GLCCI1: variants seen among roughly 807,000 people sequenced by gnomAD.
GLCCI1 encodes glucocorticoid-induced transcript 1 protein.
In GLCCI1, 24 loss-of-function variants were observed where a neutral mutation model predicts 52.2. The ratio of observed to expected loss-of-function variants is 0.46; its 90% CI spans 0.33 to 0.65. The LOEUF is 0.65. Among genes scored for constraint, GLCCI1 ranks in the 30% least tolerant of loss-of-function variants. GLCCI1 has a pLI of 0.02. For missense variants in GLCCI1, 704 were observed against 701.5 expected, an observed-to-expected ratio of 1.00 and a Z score of -0.04; for synonymous variants, 310 against 276.5, an observed-to-expected ratio of 1.12 and a Z score of -1.20.
At chr7:8,027,435 C>T (rs185872429) in intron 3 of GLCCI1, among the ~76,000 whole-genome samples, 1 of 151,992 alleles carries the variant, frequency 6.6e-6, no homozygotes, top group Admixed American at 6.6e-5. Context: ...TTGCAGTGAG[C>T]CAAGATCGCA....
intron 6 of GLCCI1, among the ~76,000 whole-genome samples, chr7:8,075,499 G>T (rs2127966450): frequency 6.6e-6 from 1 of 152,280 alleles, no homozygotes; most frequent in East Asian, 1.9e-4. Context: ...CCAAAATAAA[G>T]TTCAAGGAAC....
At chr7:8,025,294 C>A (rs181908478) in intron 3 of GLCCI1, among the ~76,000 whole-genome samples, 7 of 151,922 alleles carry the variant, frequency 4.6e-5, no homozygotes, top group Admixed American at 6.6e-5. Flanking sequence ...GAGCCAAGAT[C>A]GCGCCACTGC....
At chr7:7,992,129 C>CAT (rs199766040) in intron 1 of GLCCI1, among the ~76,000 whole-genome samples, 54 of 124,504 alleles carry the variant, frequency 4.3e-4, no homozygotes, top group African/African-American at 1.2e-3. Context: ...CTCTCTCTCT[C>CAT]ATATATATAT....
intron 2 of GLCCI1, among the ~76,000 whole-genome samples, chr7:8,011,162 T>C (rs1375836858): frequency 6.6e-6 from 1 of 152,016 alleles, no homozygotes; most frequent in Non-Finnish European, 1.5e-5. Flanking sequence ...TGAGTGAAAA[T>C]GAATTAACCA....
intron 1 of GLCCI1, among the ~76,000 whole-genome samples, chr7:7,975,600 G>C (rs1037540008): frequency 6.6e-6 from 1 of 152,118 alleles, no homozygotes; most frequent in Non-Finnish European, 1.5e-5. Flanking sequence ...CAAAGGAATT[G>C]GTTTTCTTTT....
intron 6 of GLCCI1, among the ~76,000 whole-genome samples, chr7:8,079,460 T>C (rs1357713436): frequency 6.6e-6 from 1 of 151,608 alleles, no homozygotes; most frequent in Non-Finnish European, 1.5e-5. Context: ...TTACAATCAT[T>C]ATTTTAGTCT....
At chr7:7,974,733 TAATC>T (rs1159857805) in intron 1 of GLCCI1, among the ~76,000 whole-genome samples, 1 of 152,192 alleles carries the variant, frequency 6.6e-6, no homozygotes, top group Non-Finnish European at 1.5e-5. Flanking sequence ...AGGTAGTTAA[TAATC>T]TGCCAAAGAG....
In GLCCI1 at chr7:8,087,228, A is replaced by G. The variant is rs1783135564; in HGVS notation, c.*690A>G. ...TAAGAAGTGCATTCAATCCTAGGAG[A>G]ATGATAATCCTGGACATGGGTGAAC... On this transcript the variant is annotated 3_prime_UTR_variant, in exon 8 of 8. Coordinates refer to ENST00000223145, the MANE Select transcript of GLCCI1 (RefSeq NM_138426.4). 6.6e-6 allele frequency: 1 copy of G among 152,626 alleles called. No individual in the cohort carries two copies. The highest frequency in any genetic ancestry group is 2.4e-5 in the African/African-American group (1 of 41,452). The allele number at this position is 152,626 out of a possible 1,614,324, so 9.5% of individuals were successfully genotyped here.
intron 1 of GLCCI1, among the ~76,000 whole-genome samples, chr7:7,992,130 A>T (rs201626765): frequency 3.0e-5 from 4 of 133,680 alleles, no homozygotes; most frequent in Admixed American, 1.5e-4. Context: ...TCTCTCTCTC[A>T]TATATATATA....
intron 2 of GLCCI1, among the ~76,000 whole-genome samples, chr7:8,010,410 CA>C (rs1781241113): frequency 6.6e-6 from 1 of 152,144 alleles, no homozygotes; most frequent in Non-Finnish European, 1.5e-5. Flanking sequence ...CTTGCCTAAA[CA>C]TCGAATTTCC....
At chr7:8,057,003 TAAAAC>T (rs1782412821) in intron 4 of GLCCI1, among the ~76,000 whole-genome samples, 1 of 152,164 alleles carries the variant, frequency 6.6e-6, no homozygotes, top group African/African-American at 2.4e-5. Context: ...ACTAGACTAT[TAAAAC>T]TAATGATAGG....
rs1783146159 is a variant in GLCCI1 at position 8,087,655 on chromosome 7, T to G, written c.*1117T>G. The G allele has an allele frequency of 6.6e-6, 1 of 152,638 alleles. No homozygotes were observed. The highest frequency in any genetic ancestry group is 2.4e-5 in the African/African-American group (1 of 41,470). The allele number at this position is 152,638 out of a possible 1,614,324, so 9.5% of individuals were successfully genotyped here. A position where few individuals can be genotyped will look rare whatever the true frequency, so the allele number is the denominator to read the frequency against. On this transcript the variant is annotated 3_prime_UTR_variant, in exon 8 of 8. Transcript: ENST00000223145. ...GAAAAAGTGACATACTTTTTGTTAT[T>G]GTCTTCCTCAAGCAGTTTAGGTGCA...
chr7:8,086,346 C>T lies in GLCCI1; in HGVS notation c.1452C>T (p.Gly484=). Residue 484 remains glycine (G), a synonymous_variant, in exon 8 of 8, where the codon GGC becomes GGT. Transcript: ENST00000223145. The surrounding 1 kb of genome is among the most constrained non-coding windows in gnomAD (Gnocchi z 4.4). ...DLMLKNSPNS[G]QSSALATLTV... ...TGCTCAAGAACTCCCCTAACTCTGG[C>T]CAGAGCTCAGCTTTGGCAACTCTGA... The T allele has an allele frequency of 1.2e-6, 2 of 1,614,066 alleles. No homozygotes were observed. Among genetic ancestry groups the T allele is most frequent in the Non-Finnish European group, 1.7e-6 (2 of 1,179,962 alleles).
intron 3 of GLCCI1, among the ~76,000 whole-genome samples, chr7:8,043,881 A>G (rs1430134485): frequency 1.3e-5 from 2 of 152,168 alleles, no homozygotes; most frequent in Non-Finnish European, 2.9e-5. Context: ...AATAGTTGTA[A>G]TAGATGTCAA....
In GLCCI1 at chr7:8,079,504, C is replaced by G. The variant is rs1019096283; in HGVS notation, c.1178-5393C>G. On this transcript the variant is annotated intron_variant, in intron 6 of 7. Coordinates refer to ENST00000223145, the MANE Select transcript of GLCCI1 (RefSeq NM_138426.4). The stretch of plus-strand genomic sequence containing the variant: ...CTTTGAGGACACTTTTCAGTTTTAA[C>G]TGTCATATCAGATTAAAAGTGAGTT... 1.1e-4 allele frequency among the ~76,000 whole-genome samples: 16 copies of G among 151,558 alleles called. 1 individual carries two copies. Among genetic ancestry groups the G allele is most frequent in the African/African-American group, 3.9e-4 (16 of 40,916 alleles).
At chr7:7,992,823 A>G (rs1394973587) in intron 1 of GLCCI1, among the ~76,000 whole-genome samples, 1 of 151,758 alleles carries the variant, frequency 6.6e-6, no homozygotes, top group East Asian at 1.9e-4. Flanking sequence ...GGCATTATCC[A>G]TTGTGTTTAT....
chr7:7,968,912 C>G lies in GLCCI1; in HGVS notation c.-439C>G, dbSNP rs971426000. ...AGGCCCTTTCTCTCTACCCTGGTCC[C>G]CAGAAGCAGGGGTCCCGGCCCTCCT... On this transcript the variant is annotated 5_prime_UTR_variant, in exon 1 of 8. Coordinates refer to ENST00000223145, the MANE Select transcript of GLCCI1 (RefSeq NM_138426.4). The G allele has an allele frequency of 1.9e-5, 3 of 154,802 alleles. No individual in the cohort carries two copies. Among genetic ancestry groups the G allele is most frequent in the Non-Finnish European group, 4.3e-5 (3 of 69,056 alleles). The allele number at this position is 154,802 out of a possible 1,614,324, so 9.6% of individuals were successfully genotyped here. A position where few individuals can be genotyped will look rare whatever the true frequency, so the allele number is the denominator to read the frequency against.
chr7:7,972,574 C>A (rs1365182088), intron 1 of GLCCI1, among the ~76,000 whole-genome samples: 1 of 152,040 alleles, frequency 6.6e-6, no homozygotes, highest in Non-Finnish European at 1.5e-5. Context: ...TTTTATGATT[C>A]TTTTACCAAA....
At chr7:7,996,853 T>A (rs1450972447) in intron 1 of GLCCI1, among the ~76,000 whole-genome samples, 1 of 152,236 alleles carries the variant, frequency 6.6e-6, no homozygotes, top group Admixed American at 6.5e-5. Context: ...GTTCCAGGTT[T>A]GGTTGATGAG....
Sources: allele counts gnomAD v4.1 joint callset (sites outside exome capture counted in the v4.1 genomes callset), GRCh38; gene constraint gnomAD v4.1.1; non-coding constraint Gnocchi (gnomAD v3.1); transcripts MANE v1.5; gene names NCBI Gene and HGNC (gene_info 2026-07-23, HGNC 2026-07-21).